Variants in RAPGEF4 observed in about 807,000 individuals in gnomAD.
RAPGEF4 encodes Rap guanine nucleotide exchange factor 4.
RAPGEF4 carries 66 observed loss-of-function variants against 147.9 expected under a neutral mutation model. The ratio of observed to expected loss-of-function variants is 0.45; its 90% CI spans 0.37 to 0.55. The LOEUF is 0.55. RAPGEF4 is among the 20% of genes least tolerant of loss of function. The probability of loss-of-function intolerance (pLI) is 0.00; values close to 1 mark genes in which losing one functional copy is unlikely to be tolerated. For synonymous variants in RAPGEF4, 419 were observed against 442.7 expected, an observed-to-expected ratio of 0.95 and a Z score of 0.67; for missense variants, 1,071 against 1,257.3, an observed-to-expected ratio of 0.85 and a Z score of 2.24.
At chr2:172,870,814 T>C (rs1220449078) in intron 4 of RAPGEF4, among the ~76,000 whole-genome samples, 2 of 152,222 alleles carry the variant, frequency 1.3e-5, no homozygotes, top group Non-Finnish European at 2.9e-5. Flanking sequence ...AAAATTCCTA[T>C]GCAGAGACGT....
intron 1 of RAPGEF4, among the ~76,000 whole-genome samples, chr2:172,745,927 T>C (rs562934131): frequency 2.0e-5 from 3 of 152,266 alleles, no homozygotes; most frequent in African/African-American, 7.2e-5. Context: ...TAAAGAAACA[T>C]TAAGAAAGGG....
intron 6 of RAPGEF4, among the ~76,000 whole-genome samples, chr2:172,946,618 C>A (rs1188294779): frequency 1.3e-5 from 2 of 152,218 alleles, no homozygotes; most frequent in Non-Finnish European, 2.9e-5. Flanking sequence ...TGCTCTCTCA[C>A]TATCAAGCCC....
At chr2:173,012,662 C>T (rs1400133043) in intron 17 of RAPGEF4, among the ~76,000 whole-genome samples, 1 of 152,220 alleles carries the variant, frequency 6.6e-6, no homozygotes, top group African/African-American at 2.4e-5. Flanking sequence ...TTCTCACCTC[C>T]TCATTTCATG....
At position 172,838,051 on chromosome 2, in the gene RAPGEF4, A is replaced by G. The variant is rs182138556; in HGVS notation, c.444+23626A>G. ...GTGAACAATCAAGAGATACTTTGGA[A>G]AAGAGCACCCTCTTAGAATACCAGA... On this transcript the variant is annotated intron_variant, in intron 4 of 30. Transcript: ENST00000397081. Among the ~76,000 whole-genome samples, 33 of 152,262 alleles carry G rather than the reference A, an allele frequency of 2.2e-4. No individual in the cohort carries two copies. In the East Asian group the frequency reaches 5.8e-3, roughly 27 times the overall value.
intron 4 of RAPGEF4, among the ~76,000 whole-genome samples, chr2:172,905,708 C>T (rs917166141): frequency 1.3e-5 from 2 of 152,214 alleles, no homozygotes; most frequent in African/African-American, 4.8e-5. Flanking sequence ...GACCACTGCT[C>T]TCAGCAGGTT....
At chr2:173,002,695 A>T (rs1387771215) in intron 17 of RAPGEF4, among the ~76,000 whole-genome samples, 4 of 149,070 alleles carry the variant, frequency 2.7e-5, no homozygotes, top group Non-Finnish European at 5.9e-5. Flanking sequence ...ACCCTACCTG[A>T]TTCTCATTTT....
chr2:172,902,944 G>A (rs565780881), intron 4 of RAPGEF4, among the ~76,000 whole-genome samples: 1 of 152,270 alleles, frequency 6.6e-6, no homozygotes, highest in South Asian at 2.1e-4. Context: ...GATTGACAAG[G>A]ATGTTTTCAG....
chr2:173,008,478 T>C (rs1694712270), intron 17 of RAPGEF4, among the ~76,000 whole-genome samples: 1 of 152,146 alleles, frequency 6.6e-6, no homozygotes, highest in Non-Finnish European at 1.5e-5. Context: ...AAGCTTTGTC[T>C]TGTCAGTGGG....
chr2:172,762,525 T>A (rs571718731), intron 1 of RAPGEF4, among the ~76,000 whole-genome samples: 3 of 152,224 alleles, frequency 2.0e-5, no homozygotes, highest in Admixed American at 1.3e-4. Context: ...ATTATTAATT[T>A]TTTGGAACCC....
intron 4 of RAPGEF4, among the ~76,000 whole-genome samples, chr2:172,880,893 T>C (rs1696547383): frequency 6.6e-6 from 1 of 152,240 alleles, no homozygotes; most frequent in South Asian, 2.1e-4. Context: ...CTCTTAGTGA[T>C]TGTTGTCTAG....
chr2:172,782,050 C>G (rs972724228), intron 1 of RAPGEF4, among the ~76,000 whole-genome samples: 3 of 152,160 alleles, frequency 2.0e-5, no homozygotes, highest in Admixed American at 6.5e-5. Context: ...AGGGTGGGCA[C>G]CAGCAGCAGG....
intron 4 of RAPGEF4, among the ~76,000 whole-genome samples, chr2:172,910,835 C>A (rs1391906555): frequency 6.6e-6 from 1 of 152,182 alleles, no homozygotes; most frequent in African/African-American, 2.4e-5. Flanking sequence ...CTGACCTAAC[C>A]TGGGAAGTCA....
intron 6 of RAPGEF4, among the ~76,000 whole-genome samples, chr2:172,955,215 C>T (rs142888686): frequency 6.6e-6 from 1 of 152,184 alleles, no homozygotes; most frequent in Non-Finnish European, 1.5e-5. Flanking sequence ...TGCCTTATAC[C>T]TCATTATAAT....
chr2:172,868,828 A>T (rs1694909856), intron 4 of RAPGEF4, among the ~76,000 whole-genome samples: 1 of 152,254 alleles, frequency 6.6e-6, no homozygotes, highest in Admixed American at 6.5e-5. Context: ...CGGCCTGTAC[A>T]GGAAGCATGA....
intron 4 of RAPGEF4, chr2:172,917,567 T>C (rs1394653386): frequency 4.4e-6 from 3 of 677,658 alleles, no homozygotes; most frequent in Non-Finnish European, 8.1e-6. Context: ...ATAAATGAAC[T>C]GGCGGAGATA....
At chr2:173,040,120 A>C (rs2106034325) in intron 29 of RAPGEF4, among the ~76,000 whole-genome samples, 1 of 150,756 alleles carries the variant, frequency 6.6e-6, no homozygotes, top group Middle Eastern at 3.4e-3. Flanking sequence ...CCTGGGAGGC[A>C]GAGATTGCAG....
rs767734191 is a variant in RAPGEF4, at chr2:173,036,129, C to CT, written c.2707dup (p.Ser903PhefsTer13). ...CATCTCTTTTTCTCTCCTAAGGACC[C>CT]TTCAAGGAACCACAGGGCCTACAGG... On this transcript the variant is annotated frameshift_variant, in exon 28 of 31. Transcript: ENST00000397081. LOFTEE classifies it high-confidence loss of function. 4.4e-6 allele frequency: 7 copies of CT among 1,608,594 alleles called. No homozygotes were observed. Among genetic ancestry groups the CT allele is most frequent in the Non-Finnish European group, 6.0e-6 (7 of 1,175,368 alleles).
At chr2:173,026,033 A>G (rs1696629777) in intron 23 of RAPGEF4, among the ~76,000 whole-genome samples, 1 of 152,178 alleles carries the variant, frequency 6.6e-6, no homozygotes, top group South Asian at 2.1e-4. Flanking sequence ...GGGATCAGAC[A>G]TCATGTGTAA....
intron 4 of RAPGEF4, among the ~76,000 whole-genome samples, chr2:172,865,057 A>G (rs1694475069): frequency 6.6e-6 from 1 of 152,226 alleles, no homozygotes; most frequent in Non-Finnish European, 1.5e-5. Flanking sequence ...TCCTCAGTCC[A>G]GTTGTAGGCT....
Sources: allele counts gnomAD v4.1 joint callset (sites outside exome capture counted in the v4.1 genomes callset), GRCh38; gene constraint gnomAD v4.1.1; transcripts MANE v1.5; gene names NCBI Gene and HGNC (gene_info 2026-07-23, HGNC 2026-07-21).